Variants in MEFV observed in about 807,000 individuals in gnomAD.
MEFV encodes MEFV innate immunity regulator, pyrin.
A neutral mutation model predicts 62.5 loss-of-function variants in MEFV; 60 were observed. The observed-to-expected ratio is 0.96, with a 90% CI of 0.78 to 1.19. The LOEUF is 1.19. Ranked by LOEUF, MEFV falls within the 50% of genes most tolerant of loss-of-function variation. MEFV has a pLI of 0.00. For missense variants in MEFV, 1,169 were observed against 1,004.5 expected (o/e 1.16, Z -2.21); for synonymous variants, 500 against 415.2 (o/e 1.20, Z -2.48).
At chr16:3,245,737 G>A (rs1267233587) in intron 6 of MEFV, among the ~76,000 whole-genome samples, 2 of 152,106 alleles carry the variant, frequency 1.3e-5, no homozygotes, top group Non-Finnish European at 2.9e-5. Flanking sequence ...AATGTGAAGC[G>A]ATGCAGCCCC....
intron 2 of MEFV, among the ~76,000 whole-genome samples, chr16:3,250,893 G>A (rs1344159159): frequency 2.6e-5 from 4 of 151,440 alleles, no homozygotes; most frequent in South Asian, 2.1e-4. Flanking sequence ...ACGTGGTGGT[G>A]GGCACCTGTA....
chr16:3,254,773 T>C lies in MEFV; in HGVS notation c.295A>G (p.Asn99Asp). Reference protein sequence around the residue: ...AAIQEYSTQENGTDDSAASSS... With the variant: ...AAIQEYSTQEDGTDDSAASSS... ...GACGCTGCGGAATCATCTGTGCCGT[T>C]TTCTTGTGTGGAATATTCTGGAAGG... The change falls in exon 2 of 10, where the codon AAC becomes GAC. Residue 99 changes from asparagine (N) to aspartate (D), a missense_variant. Transcript: ENST00000219596. The C allele has an allele frequency of 6.2e-7, 1 of 1,612,278 alleles. No homozygotes were observed. Among genetic ancestry groups the C allele is most frequent in the East Asian group, 2.2e-5 (1 of 44,878 alleles).
chr16:3,246,662 T>C, intron 5 of MEFV, 115 bp from the exon 6 acceptor site: 1 of 1,132,874 alleles, frequency 8.8e-7, no homozygotes, highest in South Asian at 1.3e-5. Context: ...TTACCAGGGC[T>C]CCCTGCCCTA....
rs1291696082 is a variant in MEFV at position 3,249,700 on chromosome 16, A to T, written c.991T>A (p.Ser331Thr). Residue 331 changes from serine (S) to threonine (T), a missense_variant, in exon 3 of 10, where the codon TCC becomes ACC. Physicochemically the swap from Ser to Thr is moderately conservative, Grantham distance 58. Coordinates refer to ENST00000219596, the MANE Select transcript of MEFV (RefSeq NM_000243.3). ...GAAACTGCCTCGGGGAAGCTGCAGG[A>T]ATCACGCACACAGGTACCGTCAACT... Reference protein sequence around the residue: ...DPVDGTCVRDSCSFPEAVSGH... With the variant: ...DPVDGTCVRDTCSFPEAVSGH... The T allele has an allele frequency of 6.2e-7, 1 of 1,613,706 alleles. No individual in the cohort carries two copies. The highest frequency in any genetic ancestry group is 1.1e-5 in the South Asian group (1 of 91,054).
chr16:3,251,023 C>CA (rs58529756), intron 2 of MEFV, among the ~76,000 whole-genome samples: 3,115 of 47,922 alleles, frequency 0.065, 149 homozygotes, highest in African/African-American at 0.13. Flanking sequence ...GACTCCATCT[C>CA]AAAAAAAAAA....
chr16:3,246,867 G>T, intron 5 of MEFV, 149 bp downstream of exon 5: 1 of 814,194 alleles, frequency 1.2e-6, no homozygotes. Context: ...CTGGGCACAA[G>T]AGGCACTGTG....
chr16:3,243,472 G>C lies in MEFV; in HGVS notation c.2015C>G (p.Thr672Arg). 1 of 1,614,090 alleles carries C rather than the reference G, an allele frequency of 6.2e-7. No homozygotes were observed. The highest frequency in any genetic ancestry group is 8.5e-7 in the Non-Finnish European group (1 of 1,180,022). Residue 672 changes from threonine (T) to arginine (R), a missense_variant, in exon 10 of 10, where the codon ACA becomes AGA. Coordinates refer to ENST00000219596, the MANE Select transcript of MEFV (RefSeq NM_000243.3). ...CATGTTCCCTTTCCTGCTTATGGAT[G>C]TCTTGCAGGCTCCCAGGATCCATGC... ...KTAWILGACK[T>R]SISRKGNMTL... is the part of the protein sequence containing the mutation.
chr16:3,255,290 C>G (rs936037213), intron 1 of MEFV, among the ~76,000 whole-genome samples: 2 of 152,158 alleles, frequency 1.3e-5, no homozygotes, highest in African/African-American at 4.8e-5. Context: ...GCACTCCAGC[C>G]TGAGTGACAG....
Position 3,254,166 on chromosome 16 carries a change from G to A in MEFV, c.902C>T (p.Ser301Leu). Residue 301 changes from serine (S) to leucine (L), a missense_variant, in exon 2 of 10, where the codon TCG (serine) becomes TTG (leucine). Coordinates refer to ENST00000219596, the MANE Select transcript of MEFV (RefSeq NM_000243.3). ...LKEGPGNPEH[S>L]VTGRPPDTAA... ...GAAAGAACACAATTTACCGGTGACC[G>A]AATGTTCTGGATTTCCAGGGCCTTC... is the stretch of plus-strand genomic sequence containing the variant. 1.9e-6 allele frequency: 3 copies of A among 1,614,128 alleles called. No homozygotes were observed. The highest frequency in any genetic ancestry group is 2.5e-6 in the Non-Finnish European group (3 of 1,180,028).
intron 2 of MEFV, among the ~76,000 whole-genome samples, chr16:3,253,202 T>G (rs575016657): frequency 1.3e-5 from 2 of 151,900 alleles, no homozygotes; most frequent in East Asian, 3.9e-4. Context: ...CTGGAAGAGG[T>G]GACTTCCAGT....
At chr16:3,249,279 T>G in intron 3 of MEFV, 152 bp downstream of exon 3, 1 of 764,538 alleles carries the variant, frequency 1.3e-6, no homozygotes, top group Non-Finnish European at 2.2e-6. Context: ...AGCTCCCCTC[T>G]TTGCTGGACT....
chr16:3,252,679 C>G (rs1358349827), intron 2 of MEFV, among the ~76,000 whole-genome samples: 1 of 151,500 alleles, frequency 6.6e-6, no homozygotes, highest in Non-Finnish European at 1.5e-5. Flanking sequence ...TGACTCACAC[C>G]TGAAATCCTA....
Position 3,256,468 on chromosome 16 carries a change from G to A in MEFV, c.120C>T (p.Ile40=), listed in dbSNP as rs1454105754. The A allele has an allele frequency of 1.6e-5, 26 of 1,614,106 alleles. No individual in the cohort carries two copies. The highest frequency in any genetic ancestry group is 2.1e-5 in the Non-Finnish European group (25 of 1,180,054). Residue 40 remains isoleucine, a synonymous_variant, in exon 1 of 10, where the codon ATC becomes ATT. Coordinates refer to ENST00000219596, the MANE Select transcript of MEFV (RefSeq NM_000243.3). ...NTSVQKEHSR[I]PRSQIQRARP... is the part of the protein sequence containing the mutation. Reference sequence around the variant, plus strand: ...TGGCTCTCTGGATCTGGCTCCGGGGGATCCTGGAGTGCTCCTTCTGCACAC... The same window carrying A: ...TGGCTCTCTGGATCTGGCTCCGGGGAATCCTGGAGTGCTCCTTCTGCACAC...
chr16:3,243,456 T>C lies in MEFV; in HGVS notation c.2031A>G (p.Lys677=), dbSNP rs1280040143. Reference sequence around the variant, plus strand: ...TCTCTGGCGACAGAGTCATGTTCCCTTTCCTGCTTATGGATGTCTTGCAGG... The same window carrying C: ...TCTCTGGCGACAGAGTCATGTTCCCCTTCCTGCTTATGGATGTCTTGCAGG... ...LGACKTSISR[K]GNMTLSPENG... is the part of the protein sequence containing the mutation. The change falls in exon 10 of 10, where the codon AAA becomes AAG. Residue 677 remains lysine, a synonymous_variant. Coordinates refer to ENST00000219596, the MANE Select transcript of MEFV (RefSeq NM_000243.3). The C allele has an allele frequency of 6.2e-7, 1 of 1,614,042 alleles. No individual in the cohort carries two copies. Among genetic ancestry groups the C allele is most frequent in the Non-Finnish European group, 8.5e-7 (1 of 1,180,054 alleles).
rs777547606 is a variant in MEFV, at chr16:3,243,927, G to A, written c.1760-35C>T. On this transcript the variant is annotated intron_variant, in intron 8 of 9. Transcript: ENST00000219596. ...AAAATCAGATAGGGAAAAAAATCCT[G>A]AGCATTAGCATTAAGAGGGGCTAAA... is the stretch of plus-strand genomic sequence containing the variant. 8 of 1,612,958 alleles carry A rather than the reference G, an allele frequency of 5.0e-6. No homozygotes were observed. In the Admixed American group the frequency reaches 6.7e-5, roughly 13 times the overall value.
At chr16:3,248,867 C>T (rs776135194) in intron 4 of MEFV, 42 bp downstream of exon 4, 1 of 1,612,044 alleles carries the variant, frequency 6.2e-7, no homozygotes, top group Admixed American at 1.7e-5. Flanking sequence ...TTCCCACCTT[C>T]CTCCCAGGGA....
At chr16:3,256,285 T>A (rs1295906522) in intron 1 of MEFV, 26 bp downstream of exon 1, 3 of 1,611,300 alleles carry the variant, frequency 1.9e-6, no homozygotes, top group African/African-American at 2.7e-5. Context: ...CAGCACTGGA[T>A]GAGGAGGAGG....
rs747728640 is a variant in MEFV at position 3,256,528 on chromosome 16, G to C, written c.60C>G (p.Asp20Glu). Residue 20 changes from aspartate to glutamate, a missense_variant, in exon 1 of 10, where the codon GAC becomes GAG. Coordinates refer to ENST00000219596, the MANE Select transcript of MEFV (RefSeq NM_000243.3). Reference protein sequence around the residue: ...LSTLEELVPYDFEKFKFKLQN... With the variant: ...LSTLEELVPYEFEKFKFKLQN... Reference sequence around the variant, plus strand: ...GCAGCTTGAACTTGAACTTCTCGAAGTCATAGGGCACCAGCTCCTCCAGGG... The same window carrying C: ...GCAGCTTGAACTTGAACTTCTCGAACTCATAGGGCACCAGCTCCTCCAGGG... 1.2e-6 allele frequency: 2 copies of C among 1,614,202 alleles called. No individual in the cohort carries two copies. Among genetic ancestry groups the C allele is most frequent in the Non-Finnish European group, 1.7e-6 (2 of 1,180,038 alleles).
At chr16:3,244,174 A>C (rs750271110) in intron 8 of MEFV, 80 bp downstream of exon 8, 1 of 1,606,188 alleles carries the variant, frequency 6.2e-7, no homozygotes, top group Non-Finnish European at 8.5e-7. Flanking sequence ...TTGTCTTCTA[A>C]ATAGGGCCCC....
Sources: allele counts gnomAD v4.1 joint callset (sites outside exome capture counted in the v4.1 genomes callset), GRCh38; gene constraint gnomAD v4.1.1; transcripts MANE v1.5; gene names NCBI Gene and HGNC (gene_info 2026-07-23, HGNC 2026-07-21).